Variants in RELCH observed in about 807,000 individuals in gnomAD.
RELCH encodes the protein RAB11 binding and LisH domain, coiled-coil and HEAT repeat containing.
In RELCH, 41 loss-of-function variants were observed where a neutral mutation model predicts 150.3. That is an observed-to-expected ratio of 0.27 (90% CI 0.21 to 0.35). RELCH has a LOEUF of 0.35. RELCH is among the 10% of genes least tolerant of loss of function. The probability of loss-of-function intolerance (pLI) is 1.00; values close to 1 mark genes in which losing one functional copy is unlikely to be tolerated. For synonymous variants in RELCH, 478 were observed against 531.8 expected (o/e 0.90, Z 1.39); for missense variants, 1,092 against 1,467.8 (o/e 0.74, Z 4.18).
At chr18:62,285,279 A>G (rs2044732214) in intron 25 of RELCH, among the ~76,000 whole-genome samples, 1 of 152,132 alleles carries the variant, frequency 6.6e-6, no homozygotes, top group Non-Finnish European at 1.5e-5. Flanking sequence ...CTGGGATTAC[A>G]GGCATGCACC....
At chr18:62,280,863 C>A (rs570809048) in intron 24 of RELCH, among the ~76,000 whole-genome samples, 154 bp downstream of exon 24, 2 of 152,276 alleles carry the variant, frequency 1.3e-5, no homozygotes, top group South Asian at 2.1e-4. Context: ...AACATGGTAG[C>A]CTAACCAAGG....
At chr18:62,279,468 T>G (rs2044388474) in intron 22 of RELCH, among the ~76,000 whole-genome samples, 1 of 152,166 alleles carries the variant, frequency 6.6e-6, no homozygotes, top group East Asian at 1.9e-4. Flanking sequence ...AAAAAAGTAT[T>G]CTTTTCAGTT....
intron 10 of RELCH, among the ~76,000 whole-genome samples, chr18:62,236,659 A>G: frequency 6.6e-6 from 1 of 151,900 alleles, no homozygotes. Context: ...CATCGGTACT[A>G]ACATCCTTGC....
intron 16 of RELCH, among the ~76,000 whole-genome samples, chr18:62,262,738 C>T (rs1303194331): frequency 6.6e-6 from 1 of 152,040 alleles, no homozygotes; most frequent in Non-Finnish European, 1.5e-5. Flanking sequence ...ATTTTCCTAT[C>T]TTTCTAATTC....
At chr18:62,196,948 G>T (rs2039090007) in intron 1 of RELCH, among the ~76,000 whole-genome samples, 1 of 152,182 alleles carries the variant, frequency 6.6e-6, no homozygotes, top group Admixed American at 6.5e-5. Context: ...TTGTGAAAAT[G>T]AAATGGGCCT....
At chr18:62,188,472 T>C (rs766258712) in intron 1 of RELCH, among the ~76,000 whole-genome samples, 15 of 152,380 alleles carry the variant, frequency 9.8e-5, no homozygotes, top group Non-Finnish European at 1.9e-4. Flanking sequence ...GACACACTGC[T>C]GCTGTCTCCG....
chr18:62,270,419 T>C (rs185953057), intron 20 of RELCH, among the ~76,000 whole-genome samples: 120 of 152,230 alleles, frequency 7.9e-4, no homozygotes, highest in African/African-American at 2.8e-3. Flanking sequence ...AAATAACATA[T>C]GATGTGTCTC....
At position 62,261,425 on chromosome 18, in the gene RELCH, A is replaced by C. The variant is rs531174023; in HGVS notation, c.2203-86A>C. On this transcript the variant is annotated intron_variant, in intron 15 of 28. Transcript: ENST00000644646. ...AAGGTCCTTAAATCTTTGATTTGCCACAGTAAGGAAGAACATCATACATAA... is the reference window on the plus strand; with the variant it reads ...AAGGTCCTTAAATCTTTGATTTGCCCCAGTAAGGAAGAACATCATACATAA... 4 of 1,245,578 alleles carry C rather than the reference A, an allele frequency of 3.2e-6. No individual in the cohort carries two copies. In the African/African-American group the frequency reaches 6.0e-5, roughly 19 times the overall value. 77.2% of individuals were successfully genotyped at this position (1,245,578 alleles called of 1,614,324 possible). A position where few individuals can be genotyped will look rare whatever the true frequency, so the allele number is the denominator to read the frequency against.
In RELCH at chr18:62,251,258, C is replaced by T. The variant is rs73458573; in HGVS notation, c.1734-1406C>T. ...TCTTACAAAGCTGTAGTCAAAGGTCCGTTGGGGCTATAGTCATCTCAGCTG... is the reference window on the plus strand; with the variant it reads ...TCTTACAAAGCTGTAGTCAAAGGTCTGTTGGGGCTATAGTCATCTCAGCTG... On this transcript the variant is annotated intron_variant, in intron 11 of 28. Transcript: ENST00000644646. Among the ~76,000 whole-genome samples, 1,383 of 152,234 alleles carry T rather than the reference C, an allele frequency of 9.1e-3. 19 individuals are homozygous for T. Among genetic ancestry groups the T allele is most frequent in the East Asian group, 0.052 (268 of 5,184 alleles).
chr18:62,235,145 A>G (rs2041815555), intron 10 of RELCH: 1 of 152,068 alleles, frequency 6.6e-6, no homozygotes, highest in Non-Finnish European at 1.5e-5. Context: ...TAATTTTTAT[A>G]TATGGAGTAA....
chr18:62,232,325 T>A lies in RELCH; in HGVS notation c.1525-7T>A. ...TATCATTGTTTATTAATTCTTTGGT[T>A]TTCTAGGTGTCTCGTATTGCAGACA... On this transcript the variant is annotated splice_region_variant and splice_polypyrimidine_tract_variant and intron_variant, in intron 9 of 28. Coordinates refer to ENST00000644646, the MANE Select transcript of RELCH (RefSeq NM_001346231.2). 1 of 1,590,062 alleles carries A rather than the reference T, an allele frequency of 6.3e-7. No homozygotes were observed.
At chr18:62,220,251 A>T (rs1309177887) in intron 2 of RELCH, among the ~76,000 whole-genome samples, 4 of 152,036 alleles carry the variant, frequency 2.6e-5, no homozygotes. Context: ...AGAAAACTAT[A>T]CTTTTAGAAA....
intron 2 of RELCH, among the ~76,000 whole-genome samples, chr18:62,216,995 T>C (rs774326802): frequency 3.3e-5 from 5 of 152,036 alleles, no homozygotes; most frequent in Non-Finnish European, 7.4e-5. Flanking sequence ...AACAAGGCTG[T>C]AAAGAAGATA....
chr18:62,291,680 A>G, intron 27 of RELCH, 49 bp downstream of exon 27: 1 of 1,206,550 alleles, frequency 8.3e-7, no homozygotes, highest in Non-Finnish European at 1.2e-6. Flanking sequence ...AATACCTCAT[A>G]TATAGACTTG....
At chr18:62,293,851 G>A (rs1375620300) in intron 27 of RELCH, among the ~76,000 whole-genome samples, 1 of 151,820 alleles carries the variant, frequency 6.6e-6, no homozygotes, top group African/African-American at 2.4e-5. Context: ...TTTAACACTT[G>A]CCCAGAATTT....
intron 27 of RELCH, among the ~76,000 whole-genome samples, chr18:62,295,008 A>G (rs2045335258): frequency 6.6e-6 from 1 of 152,208 alleles, no homozygotes; most frequent in African/African-American, 2.4e-5. Context: ...TGTTGTCTTC[A>G]TTACAGTTGT....
chr18:62,248,630 A>G (rs2042543245), intron 11 of RELCH, among the ~76,000 whole-genome samples: 1 of 152,156 alleles, frequency 6.6e-6, no homozygotes, highest in African/African-American at 2.4e-5. Context: ...GATGAACTAG[A>G]TACATTATGA....
chr18:62,239,185 G>A (rs1298528524), intron 10 of RELCH, among the ~76,000 whole-genome samples: 3 of 152,094 alleles, frequency 2.0e-5, no homozygotes, highest in Non-Finnish European at 2.9e-5. Context: ...TTTAGCAATA[G>A]TGAGACTTGA....
rs1491381622 is a variant in RELCH, at chr18:62,195,312, GTA to G, written c.526+7284_526+7285del. Reference sequence around the variant, plus strand: ...TGTGTGTGTGTGTGTGTGTGTGTGTGTATACACTGTATTTTTGCCAGGTGAGC... The same window carrying G: ...TGTGTGTGTGTGTGTGTGTGTGTGTGTACACTGTATTTTTGCCAGGTGAGC... On this transcript the variant is annotated intron_variant, in intron 1 of 28. Coordinates refer to ENST00000644646, the MANE Select transcript of RELCH (RefSeq NM_001346231.2). 3.3e-3 allele frequency among the ~76,000 whole-genome samples: 496 copies of G among 150,452 alleles called. 9 individuals carry two copies. The highest frequency in any genetic ancestry group is 0.019 in the South Asian group (90 of 4,756).
Sources: gnomAD v4.1 joint callset for allele counts (sites outside exome capture counted in the v4.1 genomes callset) on GRCh38, gnomAD v4.1.1 for gene constraint, MANE v1.5 for transcripts, NCBI Gene and HGNC (gene_info 2026-07-23, HGNC 2026-07-21) for gene names.